Variants in TRMT11 observed in about 807,000 individuals in gnomAD.
The protein encoded by TRMT11 is tRNA (guanine(10)-N(2))-methyltransferase TRMT11.
TRMT11 carries 53 observed loss-of-function variants against 62.8 expected under a neutral mutation model. That is an observed-to-expected ratio of 0.84 (90% CI 0.68 to 1.06). TRMT11 has a LOEUF of 1.06. TRMT11 is among the 50% of genes least tolerant of loss of function. The pLI is 0.00. For synonymous variants in TRMT11, 188 were observed against 190.3 expected (o/e 0.99, Z 0.10); for missense variants, 556 against 553.4 (o/e 1.00, Z -0.05).
chr6:126,239,301 C>A, the TRMT11 span, among the ~76,000 whole-genome samples: 4 of 152,036 alleles, frequency 2.6e-5, no homozygotes, highest in African/African-American at 9.7e-5. Flanking sequence ...TCTTCCTAGC[C>A]TCGATGGTCT....
chr6:126,089,389 G>A (rs534765130), intron 17 of TRMT11, among the ~76,000 whole-genome samples: 1 of 152,272 alleles, frequency 6.6e-6, no homozygotes, highest in Admixed American at 6.5e-5. Context: ...TGGGATTACA[G>A]GAGTGAGCCG....
chr6:126,201,499 T>G (rs1163011343), intron 3 of TRMT11, among the ~76,000 whole-genome samples: 1 of 152,220 alleles, frequency 6.6e-6, no homozygotes, highest in Non-Finnish European at 1.5e-5. Flanking sequence ...ATGTCCCTCC[T>G]GTGGATTGAT....
At chr6:126,218,412 T>C in the TRMT11 span, among the ~76,000 whole-genome samples, 1 of 152,170 alleles carries the variant, frequency 6.6e-6, no homozygotes, top group Non-Finnish European at 1.5e-5. Flanking sequence ...TTTTTCAGGG[T>C]CTAAGAACTC....
the TRMT11 span, chr6:126,257,850 G>T: frequency 8.8e-7 from 1 of 1,131,280 alleles, no homozygotes; most frequent in Non-Finnish European, 1.3e-6. Context: ...GGGTCCGCTG[G>T]TATTGCTCTT....
chr6:126,163,043 C>T (rs1377634787), intron 21 of TRMT11, among the ~76,000 whole-genome samples: 1 of 151,996 alleles, frequency 6.6e-6, no homozygotes, highest in Admixed American at 6.6e-5. Context: ...ATTTGAATAC[C>T]CTTTATTTTG....
chr6:126,258,286 A>G, the TRMT11 span: 2 of 489,536 alleles, frequency 4.1e-6, no homozygotes, highest in East Asian at 5.4e-5. Flanking sequence ...GAAAGTAAAC[A>G]CGTGGTCCTG....
intron 21 of TRMT11, among the ~76,000 whole-genome samples, chr6:126,125,119 A>G (rs1433939840): frequency 6.6e-6 from 1 of 151,926 alleles, no homozygotes; most frequent in African/African-American, 2.4e-5. Flanking sequence ...TTCTTTTTGA[A>G]TCTCTCTCTG....
the TRMT11 span, among the ~76,000 whole-genome samples, chr6:126,233,962 A>G: frequency 6.6e-6 from 1 of 152,170 alleles, no homozygotes; most frequent in Non-Finnish European, 1.5e-5. Context: ...AAAAATAGAT[A>G]TTATAATTAC....
At chr6:126,211,172 C>T in the TRMT11 span, among the ~76,000 whole-genome samples, 1 of 152,136 alleles carries the variant, frequency 6.6e-6, no homozygotes, top group Non-Finnish European at 1.5e-5. Context: ...GCAGTAGTTA[C>T]ACTGTCTGGT....
intron 1 of TRMT11, among the ~76,000 whole-genome samples, chr6:125,989,729 ACT>A (rs1486286064): frequency 5.3e-5 from 8 of 151,716 alleles, no homozygotes; most frequent in Admixed American, 5.2e-4. Flanking sequence ...TCTTCCAAAA[ACT>A]CTGTTCTGTT....
rs1355005394 is a variant in TRMT11, at chr6:126,196,898, T to C, written n.144-1901T>C. 2.6e-5 allele frequency among the ~76,000 whole-genome samples: 4 copies of C among 152,310 alleles called. No homozygotes were observed. In the East Asian group the frequency reaches 7.7e-4, roughly 29 times the overall value. On this transcript the variant is annotated intron_variant and non_coding_transcript_variant, in intron 1 of 3. Coordinates refer to the TRMT11 transcript ENST00000444229. ...CAAGGTTTATGATTTTCTGATATTA[T>C]CTACCTCACAAATATTTAAACTTAT...
the TRMT11 span, among the ~76,000 whole-genome samples, chr6:126,229,517 A>G: frequency 2.6e-5 from 4 of 152,230 alleles, no homozygotes; most frequent in African/African-American, 9.7e-5. Flanking sequence ...CATTTAAAAG[A>G]AATGTATCCT....
the TRMT11 span, among the ~76,000 whole-genome samples, chr6:126,230,677 G>A: frequency 6.6e-6 from 1 of 152,068 alleles, no homozygotes; most frequent in Non-Finnish European, 1.5e-5. Flanking sequence ...ATTTTTACTA[G>A]GAGGAGAAGA....
At chr6:126,101,815 A>T (rs1425954764) in intron 17 of TRMT11, among the ~76,000 whole-genome samples, 1 of 152,180 alleles carries the variant, frequency 6.6e-6, no homozygotes, top group African/African-American at 2.4e-5. Context: ...GTTTCCCTCC[A>T]TACCTTTCAA....
At chr6:126,265,839 T>C in the TRMT11 span, among the ~76,000 whole-genome samples, 2 of 152,186 alleles carry the variant, frequency 1.3e-5, no homozygotes, top group African/African-American at 4.8e-5. Context: ...ATTATATTTA[T>C]CATTCTTCTT....
chr6:126,219,266 G>T, the TRMT11 span, among the ~76,000 whole-genome samples: 1 of 152,118 alleles, frequency 6.6e-6, no homozygotes, highest in Non-Finnish European at 1.5e-5. Flanking sequence ...GATCAGTGGA[G>T]GCTTTCTGGC....
In TRMT11 at chr6:126,150,578, C is replaced by T. The variant is rs147993617; in HGVS notation, c.*1824-24247C>T. ...GGTGCTCAAGTAATACTTGTGAATA[C>T]GAGGGCATAGTGGTTTCTCTATCAT... On this transcript the variant is annotated intron_variant and NMD_transcript_variant, in intron 21 of 22. Coordinates refer to the TRMT11 transcript ENST00000648977. 2.4e-4 allele frequency among the ~76,000 whole-genome samples: 36 copies of T among 152,222 alleles called. 1 individual carries two copies. The East Asian group carries it at 3.5e-3, about 15-fold the overall frequency.
At chr6:126,081,059 C>T (rs1209889882) in intron 17 of TRMT11, among the ~76,000 whole-genome samples, 1 of 152,164 alleles carries the variant, frequency 6.6e-6, no homozygotes, top group East Asian at 1.9e-4. Context: ...CTGGGTGATA[C>T]CTACCACATA....
intron 21 of TRMT11, among the ~76,000 whole-genome samples, chr6:126,163,351 T>C (rs927229722): frequency 4.6e-5 from 7 of 152,072 alleles, no homozygotes; most frequent in Admixed American, 2.6e-4. Flanking sequence ...GTTTATGTGA[T>C]GGATTACTGA....
Sources: gnomAD v4.1 joint callset for allele counts (sites outside exome capture counted in the v4.1 genomes callset) on GRCh38, gnomAD v4.1.1 for gene constraint, MANE v1.5 for transcripts, NCBI Gene and HGNC (gene_info 2026-07-23, HGNC 2026-07-21) for gene names.